BBS9: variants seen among roughly 807,000 people sequenced by gnomAD.
The protein encoded by BBS9 is Bardet-Biedl syndrome 9.
Under a neutral mutation model 117.7 loss-of-function variants are expected in BBS9, and 89 were observed. The ratio of observed to expected loss-of-function variants is 0.76; its 90% CI spans 0.64 to 0.90. BBS9 has a LOEUF of 0.90. BBS9 is among the 40% of genes least tolerant of loss of function. The pLI is 0.00. For synonymous variants in BBS9, 379 were observed against 370.9 expected (o/e 1.02, Z -0.25); for missense variants, 982 against 1,042.2 (o/e 0.94, Z 0.80).
intron 21 of BBS9, among the ~76,000 whole-genome samples, chr7:33,588,280 A>G (rs1208760345): frequency 3.3e-5 from 5 of 152,132 alleles, no homozygotes; most frequent in Non-Finnish European, 7.4e-5. Context: ...TGGTTCACAG[A>G]GCAGCCAGGT....
Position 33,177,569 on chromosome 7 carries a change from T to C in BBS9, c.420T>C (p.Tyr140=). 4.3e-6 allele frequency: 7 copies of C among 1,612,460 alleles called. No individual in the cohort carries two copies. Among genetic ancestry groups the C allele is most frequent in the Non-Finnish European group, 5.1e-6 (6 of 1,178,642 alleles). The change falls in exon 5 of 23, where the codon TAT becomes TAC. Residue 140 remains tyrosine (Y), a synonymous_variant. Transcript: ENST00000242067. ...NLQRTACNMT[Y]GSFGGVKGRD... ...AGAGAACAGCCTGCAATATGACCTA[T>C]GGATCATTTGGTGGTGTAAAAGGTA...
At chr7:33,454,183 T>G (rs1291726560) in intron 19 of BBS9, among the ~76,000 whole-genome samples, 3 of 152,202 alleles carry the variant, frequency 2.0e-5, no homozygotes, top group Non-Finnish European at 4.4e-5. Flanking sequence ...TCTACTAATT[T>G]GGGATGCTTT....
At chr7:33,337,212 A>G (rs1282510872) in intron 10 of BBS9, among the ~76,000 whole-genome samples, 1 of 152,162 alleles carries the variant, frequency 6.6e-6, no homozygotes, top group Non-Finnish European at 1.5e-5. Context: ...TTGGGACTCA[A>G]AAGGGTATAA....
intron 21 of BBS9, among the ~76,000 whole-genome samples, chr7:33,536,133 G>T (rs1851327116): frequency 6.6e-6 from 1 of 152,178 alleles, no homozygotes; most frequent in Admixed American, 6.5e-5. Context: ...CAGTGTGTTT[G>T]TTCACAGTCC....
At chr7:33,270,814 C>T (rs1382953256) in intron 7 of BBS9, among the ~76,000 whole-genome samples, 1 of 152,090 alleles carries the variant, frequency 6.6e-6, no homozygotes, top group Non-Finnish European at 1.5e-5. Flanking sequence ...GAAAAATTCC[C>T]CAACCTCACT....
At chr7:33,496,845 C>A (rs936734771) in intron 19 of BBS9, among the ~76,000 whole-genome samples, 1 of 152,182 alleles carries the variant, frequency 6.6e-6, no homozygotes, top group South Asian at 2.1e-4. Flanking sequence ...CATGCCGTTT[C>A]TTTTTCATTT....
intron 21 of BBS9, among the ~76,000 whole-genome samples, chr7:33,591,593 G>A (rs1260969307): frequency 6.6e-6 from 1 of 151,916 alleles, no homozygotes; most frequent in Middle Eastern, 3.2e-3. Flanking sequence ...CTTCCTTCAA[G>A]GCATACATTT....
chr7:33,468,003 T>C (rs1840432921), intron 19 of BBS9, among the ~76,000 whole-genome samples: 1 of 152,174 alleles, frequency 6.6e-6, no homozygotes, highest in Non-Finnish European at 1.5e-5. Flanking sequence ...TTGCTGATAA[T>C]TGATCCAGCC....
rs117120757 is a variant in BBS9 at position 33,534,465 on chromosome 7, A to C, written c.2521+289A>C. On this transcript the variant is annotated intron_variant, in intron 21 of 22. Coordinates refer to ENST00000242067, the MANE Select transcript of BBS9 (RefSeq NM_198428.3). ...ACTAATAAAAAGTGGATTAGAAGAT[A>C]AACTATTTTTAAGAAAAAGTTTTAC... 2,084 of 467,832 alleles carry C rather than the reference A, an allele frequency of 4.5e-3. 78 individuals are homozygous for C. In the East Asian group the frequency reaches 0.078, roughly 17 times the overall value. The allele number at this position is 467,832 out of a possible 1,614,324, so 29.0% of individuals were successfully genotyped here.
chr7:33,390,586 A>T (rs1298944984), intron 19 of BBS9: 28 of 969,538 alleles, frequency 2.9e-5, no homozygotes, highest in African/African-American at 3.5e-5. Flanking sequence ...ATTTGTAATA[A>T]ATGAGGGTGA....
intron 19 of BBS9, among the ~76,000 whole-genome samples, chr7:33,450,115 C>T (rs771177608): frequency 3.6e-4 from 55 of 152,200 alleles, no homozygotes; most frequent in African/African-American, 1.3e-3. Flanking sequence ...TAAGTAGAAT[C>T]GTGCAGTGGA....
chr7:33,288,462 C>G (rs538314194), intron 9 of BBS9, among the ~76,000 whole-genome samples: 22 of 152,150 alleles, frequency 1.4e-4, no homozygotes, highest in Admixed American at 1.4e-3. Context: ...AATTCGTTAA[C>G]GTTGAATAAT....
intron 21 of BBS9, among the ~76,000 whole-genome samples, chr7:33,566,238 A>G (rs1856913666): frequency 6.6e-6 from 1 of 151,944 alleles, no homozygotes; most frequent in South Asian, 2.1e-4. Flanking sequence ...GAAATGCTGC[A>G]GACAAGAATT....
chr7:33,373,027 C>CT (rs528494768), intron 17 of BBS9, among the ~76,000 whole-genome samples: 2 of 150,562 alleles, frequency 1.3e-5, no homozygotes, highest in African/African-American at 4.9e-5. Flanking sequence ...AGTCTTCCTT[C>CT]TTTTTTTTTA....
chr7:33,168,619 T>C lies in BBS9; in HGVS notation c.329-8859T>C, dbSNP rs535549734. On this transcript the variant is annotated intron_variant, in intron 4 of 22. Coordinates refer to ENST00000242067, the MANE Select transcript of BBS9 (RefSeq NM_198428.3). The stretch of plus-strand genomic sequence containing the variant: ...ATAAATAAATTTATCTAATCTGTCT[T>C]CTCTTAACCACACAAGATTTCCATA... Among the ~76,000 whole-genome samples, 9 of 152,244 alleles carry C rather than the reference T, an allele frequency of 5.9e-5. No individual in the cohort carries two copies. In the East Asian group the frequency reaches 1.2e-3, roughly 20 times the overall value.
At chr7:33,252,439 G>A (rs545336727) in intron 5 of BBS9, among the ~76,000 whole-genome samples, 6 of 152,198 alleles carry the variant, frequency 3.9e-5, no homozygotes, top group East Asian at 1.9e-4. Context: ...AGCATGCACC[G>A]TAGTAGTCTC....
At chr7:33,556,947 T>A (rs1855386438) in intron 21 of BBS9, among the ~76,000 whole-genome samples, 1 of 152,000 alleles carries the variant, frequency 6.6e-6, no homozygotes, top group Admixed American at 6.6e-5. Context: ...GGACTGGGAG[T>A]TGAAATGTAA....
At chr7:33,422,758 G>A (rs1833050233) in intron 19 of BBS9, among the ~76,000 whole-genome samples, 1 of 152,120 alleles carries the variant, frequency 6.6e-6, no homozygotes, top group Non-Finnish European at 1.5e-5. Flanking sequence ...AAATGCGAAT[G>A]TTCAGTTTAT....
Position 33,447,296 on chromosome 7 carries a change from G to A in BBS9, c.2116-58167G>A, listed in dbSNP as rs1837132748. 2.0e-5 allele frequency among the ~76,000 whole-genome samples: 3 copies of A among 152,300 alleles called. No individual in the cohort carries two copies. The South Asian group carries it at 6.2e-4, about 32-fold the overall frequency. On this transcript the variant is annotated intron_variant, in intron 19 of 22. Transcript: ENST00000242067. ...CCACAATTAATTACGGAAGCTGCGG[G>A]GAAGCAATCATAGTGGGCACCTCTC...
Sources: allele counts gnomAD v4.1 joint callset (sites outside exome capture counted in the v4.1 genomes callset), GRCh38; gene constraint gnomAD v4.1.1; transcripts MANE v1.5; gene names NCBI Gene and HGNC (gene_info 2026-07-23, HGNC 2026-07-21).